BCAS4: variants seen among roughly 807,000 people sequenced by gnomAD.
BCAS4 encodes breast carcinoma amplified sequence 4, also known as breast carcinoma-amplified sequence 4.
A neutral mutation model predicts 15.7 loss-of-function variants in BCAS4; 9 were observed. The observed-to-expected ratio is 0.57, with a 90% CI of 0.34 to 1.00. The LOEUF (loss-of-function observed/expected upper bound fraction) is 1.00, where lower values mean the gene tolerates loss of function less well. Ranked by LOEUF, BCAS4 falls within the 50% of genes least tolerant of loss-of-function variation. BCAS4 has a pLI of 0.02. For synonymous variants in BCAS4, 101 were observed against 99.5 expected (o/e 1.02, Z -0.09); for missense variants, 225 against 239.1 (o/e 0.94, Z 0.39).
chr20:50,871,771 C>A (rs938196425), intron 4 of BCAS4, among the ~76,000 whole-genome samples: 1 of 152,174 alleles, frequency 6.6e-6, no homozygotes. Flanking sequence ...CTCCCAGGAA[C>A]CTCTGGGGAG....
At chr20:50,823,465 A>G (rs905618393) in intron 2 of BCAS4, among the ~76,000 whole-genome samples, 5 of 152,218 alleles carry the variant, frequency 3.3e-5, no homozygotes, top group African/African-American at 7.2e-5. Context: ...ACTACACAGC[A>G]ATGAAAAAGA....
At chr20:50,816,243 C>T (rs2123770592) in intron 1 of BCAS4, among the ~76,000 whole-genome samples, 2 of 152,228 alleles carry the variant, frequency 1.3e-5, no homozygotes, top group East Asian at 3.9e-4. Flanking sequence ...TCAGGCTGGT[C>T]TCGAACTCCT....
In BCAS4 at chr20:50,854,759, A is replaced by AC. The variant is rs199546856; in HGVS notation, c.399+12867dup. ...TCTCTGGAGGGGCTGATTGTTCCAA[A>AC]CCCCCCCCACCATGCGGCACCGTAG... is the stretch of plus-strand genomic sequence containing the variant. On this transcript the variant is annotated intron_variant, in intron 4 of 4. Transcript: ENST00000371608. Among the ~76,000 whole-genome samples the AC allele has an allele frequency of 2.1e-3, 305 of 147,562 alleles. 1 individual carries two copies. The highest frequency in any genetic ancestry group is 6.3e-3 in the African/African-American group (250 of 39,828).
intron 1 of BCAS4, among the ~76,000 whole-genome samples, chr20:50,810,400 G>A (rs111994638): frequency 0.045 from 6,821 of 152,010 alleles, 224 homozygotes; most frequent in African/African-American, 0.092. Context: ...AAAAGCATTT[G>A]TGGGATGAGA....
chr20:50,843,497 C>T (rs1367443032), intron 4 of BCAS4, among the ~76,000 whole-genome samples: 3 of 152,204 alleles, frequency 2.0e-5, no homozygotes, highest in Non-Finnish European at 4.4e-5. Context: ...CCTGATAGGG[C>T]ATGTGCTTTC....
chr20:50,849,946 G>A (rs1366554356), intron 4 of BCAS4, among the ~76,000 whole-genome samples: 1 of 152,160 alleles, frequency 6.6e-6, no homozygotes, highest in Non-Finnish European at 1.5e-5. Context: ...GGGCAACACA[G>A]TGAGACCCTG....
intron 1 of BCAS4, among the ~76,000 whole-genome samples, chr20:50,810,415 G>T (rs74724710): frequency 0.017 from 2,564 of 152,122 alleles, 81 homozygotes; most frequent in African/African-American, 0.059. Context: ...ATGAGAGGGA[G>T]TTGGAAGGCC....
chr20:50,823,998 AATATT>A (rs1361889485), intron 2 of BCAS4, among the ~76,000 whole-genome samples: 1 of 152,146 alleles, frequency 6.6e-6, no homozygotes, highest in East Asian at 1.9e-4. Flanking sequence ...TTTTTATTAT[AATATT>A]ATAATAAATA....
chr20:50,881,283 A>G (rs1484291338), downstream of BCAS4: 2 of 152,192 alleles, frequency 1.3e-5, no homozygotes, highest in African/African-American at 4.8e-5. Flanking sequence ...ACATTGGCGA[A>G]GTGTACAAAA....
At chr20:50,866,866 A>T (rs942784490) in intron 4 of BCAS4, among the ~76,000 whole-genome samples, 33 of 152,194 alleles carry the variant, frequency 2.2e-4, no homozygotes, top group Non-Finnish European at 5.9e-5. Flanking sequence ...GCAAAGTGAG[A>T]TGGAGGTTCC....
chr20:50,806,074 C>T (rs771687667), intron 1 of BCAS4, among the ~76,000 whole-genome samples: 28 of 152,074 alleles, frequency 1.8e-4, no homozygotes, highest in Admixed American at 2.6e-4. Flanking sequence ...TGCATGGCTT[C>T]GGTGTCATTT....
chr20:50,819,433 G>A (rs750048144), intron 2 of BCAS4, among the ~76,000 whole-genome samples: 10 of 152,118 alleles, frequency 6.6e-5, no homozygotes, highest in South Asian at 2.1e-4. Flanking sequence ...AGTGGTGTGC[G>A]TTTATGTCCC....
At chr20:50,794,937 C>A (rs1382876490), upstream of BCAS4, 10 of 1,144,790 alleles carry the variant, frequency 8.7e-6, no homozygotes, top group South Asian at 4.3e-5. Flanking sequence ...CCTGGAGCTG[C>A]GAGCCGCGAC....
intron 4 of BCAS4, among the ~76,000 whole-genome samples, chr20:50,842,185 C>T (rs536603477): frequency 6.6e-6 from 1 of 152,296 alleles, no homozygotes; most frequent in African/African-American, 2.4e-5. Flanking sequence ...GCCCTCCTGC[C>T]CATCCTTGCA....
chr20:50,862,267 G>A (rs901604148), intron 4 of BCAS4, among the ~76,000 whole-genome samples: 2 of 151,352 alleles, frequency 1.3e-5, no homozygotes, highest in African/African-American at 2.4e-5. Context: ...TCTCTTTTAC[G>A]TTTTTCTCAA....
chr20:50,854,762 C>T (rs1053187869), intron 4 of BCAS4, among the ~76,000 whole-genome samples: 6 of 152,310 alleles, frequency 3.9e-5, no homozygotes, highest in African/African-American at 9.6e-5. Flanking sequence ...GTTCCAAACC[C>T]CCCCCACCAT....
chr20:50,877,525 A>G (rs1198632805), downstream of BCAS4: 3 of 152,244 alleles, frequency 2.0e-5, no homozygotes, highest in Non-Finnish European at 4.4e-5. Context: ...TAATTCCCCT[A>G]TGCACATACA....
chr20:50,824,785 G>A (rs1242830709), intron 2 of BCAS4, among the ~76,000 whole-genome samples: 1 of 152,178 alleles, frequency 6.6e-6, no homozygotes, highest in Non-Finnish European at 1.5e-5. Flanking sequence ...TGGAACATGG[G>A]CTCAGTGTGG....
chr20:50,811,341 G>C (rs1328730233), intron 1 of BCAS4, among the ~76,000 whole-genome samples: 1 of 152,020 alleles, frequency 6.6e-6, no homozygotes. Flanking sequence ...CTCTAGCCTG[G>C]ATGACAGAGT....
Sources: allele counts gnomAD v4.1 joint callset (sites outside exome capture counted in the v4.1 genomes callset), GRCh38; gene constraint gnomAD v4.1.1; transcripts MANE v1.5; gene names NCBI Gene and HGNC (gene_info 2026-07-23, HGNC 2026-07-21).